Variants in PLG observed in about 807,000 individuals in gnomAD.
PLG encodes the protein plasmin.
In PLG, 41 loss-of-function variants were observed where a neutral mutation model predicts 104.4. That is an observed-to-expected ratio of 0.39 (90% CI 0.31 to 0.51). The LOEUF is 0.51. Ranked by LOEUF, PLG falls within the 20% of genes least tolerant of loss-of-function variation. The pLI is 0.76. For synonymous variants in PLG, 337 were observed against 357.1 expected, an observed-to-expected ratio of 0.94 and a Z score of 0.63; for missense variants, 891 against 1,003.6, an observed-to-expected ratio of 0.89 and a Z score of 1.52.
chr6:160,703,374 A>C (rs1777458329), intron 1 of PLG, among the ~76,000 whole-genome samples: 1 of 152,186 alleles, frequency 6.6e-6, no homozygotes, highest in African/African-American at 2.4e-5. Flanking sequence ...AGCCACCATC[A>C]GAATAAATTT....
intron 1 of PLG, among the ~76,000 whole-genome samples, chr6:160,703,643 T>G (rs1453032543): frequency 2.0e-5 from 3 of 152,210 alleles, no homozygotes. Flanking sequence ...GTGGAAGCCA[T>G]TCAAGGAGCT....
At chr6:160,713,783 G>C (rs1213615651) in intron 5 of PLG, among the ~76,000 whole-genome samples, 1 of 152,192 alleles carries the variant, frequency 6.6e-6, no homozygotes, top group Non-Finnish European at 1.5e-5. Context: ...TTTTGCTGAA[G>C]CTAAGCAAGG....
chr6:160,713,412 G>A, intron 5 of PLG: 1 of 376,992 alleles, frequency 2.7e-6, no homozygotes, highest in East Asian at 6.4e-5. Context: ...TGGGATTACA[G>A]GCATGTGCCA....
In PLG at chr6:160,734,564, A is replaced by G. The variant is rs1195255407; in HGVS notation, c.1681+476A>G. On this transcript the variant is annotated intron_variant, in intron 13 of 18. Coordinates refer to ENST00000308192, the MANE Select transcript of PLG (RefSeq NM_000301.5). The surrounding 1 kb of genome is among the most constrained non-coding windows in gnomAD (Gnocchi z 4.4). ...AGGTAGTGCAGCTCTTTAGCCCCAGATGGCCTTTCTTATAAGTTTACTACT... is the reference window on the plus strand; with the variant it reads ...AGGTAGTGCAGCTCTTTAGCCCCAGGTGGCCTTTCTTATAAGTTTACTACT... Among the ~76,000 whole-genome samples, 1 of 152,132 alleles carries G rather than the reference A, an allele frequency of 6.6e-6. No homozygotes were observed. Among genetic ancestry groups the G allele is most frequent in the African/African-American group, 2.4e-5 (1 of 41,422 alleles).
chr6:160,742,940 T>C (rs1778218558), intron 17 of PLG, among the ~76,000 whole-genome samples: 1 of 152,076 alleles, frequency 6.6e-6, no homozygotes, highest in Non-Finnish European at 1.5e-5. Flanking sequence ...TCAGCTTTGT[T>C]AAAAATCAGA....
intron 4 of PLG, chr6:160,712,212 G>A (rs4252087): frequency 0.33 from 51,720 of 156,780 alleles, 9,654 homozygotes; most frequent in Middle Eastern, 0.49. Flanking sequence ...CTGAGGTCTC[G>A]GGGGGTGGGG....
rs577508313 is a variant in PLG at position 160,744,173 on chromosome 6, T to A, written c.2125+2756T>A. 3.3e-5 allele frequency among the ~76,000 whole-genome samples: 5 copies of A among 152,352 alleles called. No individual in the cohort carries two copies. The highest frequency in any genetic ancestry group is 2.1e-4 in the South Asian group (1 of 4,828). On this transcript the variant is annotated intron_variant, in intron 17 of 18. Transcript: ENST00000308192. This position sits in a 1 kb window ranked among gnomAD's most constrained non-coding sequence, Gnocchi z 4.5. ...TGGTATCAGGATGATGCTGACCTCA[T>A]AGAATGAATTGGAGAGGAGACCCTC...
chr6:160,733,898 G>C, intron 12 of PLG, 97 bp from the exon 13 acceptor site: 1 of 590,808 alleles, frequency 1.7e-6, no homozygotes, highest in Non-Finnish European at 3.3e-6. Context: ...ACTCCTTTAT[G>C]TCTTCTAAGG....
Position 160,725,190 on chromosome 6 carries a change from G to T in PLG, c.1256+2623G>T, listed in dbSNP as rs1471497062. The stretch of plus-strand genomic sequence containing the variant: ...AGATCGTGCCATTACGGTCCAACCT[G>T]GGTGACAGAGCGAGACTCAAAACAA... On this transcript the variant is annotated intron_variant, in intron 10 of 18. Transcript: ENST00000308192. The surrounding 1 kb of genome is among the most constrained non-coding windows in gnomAD (Gnocchi z 6.3). 1.3e-5 allele frequency among the ~76,000 whole-genome samples: 2 copies of T among 152,078 alleles called. No individual in the cohort carries two copies. The highest frequency in any genetic ancestry group is 4.8e-5 in the African/African-American group (2 of 41,382).
Position 160,740,598 on chromosome 6 carries a change from C to T in PLG, c.2019-713C>T, listed in dbSNP as rs1355921118. Among the ~76,000 whole-genome samples, 2 of 152,064 alleles carry T rather than the reference C, an allele frequency of 1.3e-5. No individual in the cohort carries two copies. Among genetic ancestry groups the T allele is most frequent in the Non-Finnish European group, 2.9e-5 (2 of 68,020 alleles). ...AGTGTGCCTGCTTCAAAGTTGGTGA[C>T]GATGATGTTTCTTGATCAGAATAGG... On this transcript the variant is annotated intron_variant, in intron 16 of 18. Transcript: ENST00000308192. The surrounding 1 kb of genome is among the most constrained non-coding windows in gnomAD (Gnocchi z 5.2).
At chr6:160,713,344 C>T (rs952808708) in intron 5 of PLG, 3 of 503,804 alleles carry the variant, frequency 6.0e-6, no homozygotes, top group Non-Finnish European at 1.1e-5. Context: ...AATCTCGGCT[C>T]ACCACAACCT....
chr6:160,711,734 G>A, intron 4 of PLG: 1 of 1,606,976 alleles, frequency 6.2e-7, no homozygotes, highest in Middle Eastern at 2.3e-4. Flanking sequence ...GAAACTATGA[G>A]TTTTAGGCCA....
rs1582936712 is a variant in PLG, at chr6:160,716,564, G to A, written c.669-81G>A. ...CGACTGTGCCTAGCACACAGCAGGTGCTCAATGTTTGCTCTTGAAAAAGAG... is the reference window on the plus strand; with the variant it reads ...CGACTGTGCCTAGCACACAGCAGGTACTCAATGTTTGCTCTTGAAAAAGAG... On this transcript the variant is annotated intron_variant, in intron 6 of 18. Transcript: ENST00000308192. The A allele has an allele frequency of 2.3e-6, 2 of 866,556 alleles. 1 individual carries two copies. The highest frequency in any genetic ancestry group is 3.4e-5 in the Admixed American group (2 of 58,772). The allele number at this position is 866,556 out of a possible 1,614,324, so 53.7% of individuals were successfully genotyped here. A position where few individuals can be genotyped will look rare whatever the true frequency, so the allele number is the denominator to read the frequency against.
At chr6:160,718,965 TATG>T in intron 9 of PLG, 127 bp downstream of exon 9, 1 of 831,758 alleles carries the variant, frequency 1.2e-6, no homozygotes, top group Non-Finnish European at 2.0e-6. Flanking sequence ...AGCCTGCCCT[TATG>T]ATTTCAGTTT....
chr6:160,718,607 T>TA, intron 8 of PLG, 86 bp from the exon 9 acceptor site: 1 of 1,479,020 alleles, frequency 6.8e-7, no homozygotes, highest in South Asian at 1.1e-5. Context: ...TTAGCACGTT[T>TA]TTTCCCGTAA....
rs1344323891 is a variant in PLG at position 160,724,441 on chromosome 6, G to T, written c.1256+1874G>T. 6.6e-6 allele frequency among the ~76,000 whole-genome samples: 1 copy of T among 151,894 alleles called. No individual in the cohort carries two copies. Among genetic ancestry groups the T allele is most frequent in the Non-Finnish European group, 1.5e-5 (1 of 67,950 alleles). Reference sequence around the variant, plus strand: ...AGCACACACATACAAAGACTGAAAAGATAAAGAAACAGAGCCTCAAGAATA... The same window carrying T: ...AGCACACACATACAAAGACTGAAAATATAAAGAAACAGAGCCTCAAGAATA... On this transcript the variant is annotated intron_variant, in intron 10 of 18. Coordinates refer to ENST00000308192, the MANE Select transcript of PLG (RefSeq NM_000301.5). The surrounding 1 kb of genome is among the most constrained non-coding windows in gnomAD (Gnocchi z 5.0).
chr6:160,705,351 C>T (rs1431738787), intron 1 of PLG: 1 of 150,878 alleles, frequency 6.6e-6, no homozygotes, highest in Non-Finnish European at 1.5e-5. Context: ...TCTGCCACGA[C>T]CAGGCAGAAA....
rs1778100683 is a variant in PLG at position 160,737,328 on chromosome 6, C to T, written c.1802+321C>T. On this transcript the variant is annotated intron_variant, in intron 14 of 18. Transcript: ENST00000308192. The surrounding 1 kb of genome is among the most constrained non-coding windows in gnomAD (Gnocchi z 4.7). The stretch of plus-strand genomic sequence containing the variant: ...TGCTCTGAGGATTTCTATGGATATC[C>T]ATTGTCTCATTGTCAGATGAAAAGA... 1.3e-5 allele frequency among the ~76,000 whole-genome samples: 2 copies of T among 152,068 alleles called. No homozygotes were observed. The highest frequency in any genetic ancestry group is 1.3e-4 in the Admixed American group (2 of 15,268).
Position 160,734,628 on chromosome 6 carries a change from T to C in PLG, c.1681+540T>C, listed in dbSNP as rs1778055673. 6.6e-6 allele frequency among the ~76,000 whole-genome samples: 1 copy of C among 152,020 alleles called. No individual in the cohort carries two copies. Among genetic ancestry groups the C allele is most frequent in the African/African-American group, 2.4e-5 (1 of 41,392 alleles). On this transcript the variant is annotated intron_variant, in intron 13 of 18. Coordinates refer to ENST00000308192, the MANE Select transcript of PLG (RefSeq NM_000301.5). This position sits in a 1 kb window ranked among gnomAD's most constrained non-coding sequence, Gnocchi z 4.4. ...AGTGACATAGCTTAGAGACTGCTTG[T>C]TGGGTTCCATCCTCATTGCTCTGAG...
Sources: gnomAD v4.1 joint callset for allele counts (sites outside exome capture counted in the v4.1 genomes callset) on GRCh38, gnomAD v4.1.1 for gene constraint, Gnocchi (gnomAD v3.1) non-coding constraint, MANE v1.5 for transcripts, NCBI Gene and HGNC (gene_info 2026-07-23, HGNC 2026-07-21) for gene names.